Variants in EXTL1 observed in about 807,000 individuals in gnomAD.
EXTL1 encodes the protein exostosin like glycosyltransferase 1, also known as exostosin-like 1.
In EXTL1, 43 loss-of-function variants were observed where a neutral mutation model predicts 64.6. That is an observed-to-expected ratio of 0.67 (90% CI 0.52 to 0.86). The LOEUF is 0.86. Ranked by LOEUF, EXTL1 falls within the 40% of genes least tolerant of loss-of-function variation. EXTL1 has a pLI of 0.00. For missense variants in EXTL1, 766 were observed against 879.0 expected (o/e 0.87, Z 1.62); for synonymous variants, 352 against 360.5 (o/e 0.98, Z 0.27).
Position 26,034,277 on chromosome 1 carries a change from G to A in EXTL1, c.1679+421G>A, listed in dbSNP as rs1459224441. ...TCCAGAAGCTGCCTGAAGTGCTCCGGTCTTAGGGCAGAGACTGAATTCTGT... is the reference window on the plus strand; with the variant it reads ...TCCAGAAGCTGCCTGAAGTGCTCCGATCTTAGGGCAGAGACTGAATTCTGT... On this transcript the variant is annotated intron_variant, in intron 9 of 10. Coordinates refer to ENST00000374280, the MANE Select transcript of EXTL1 (RefSeq NM_004455.3). This position sits in a 1 kb window ranked among gnomAD's most constrained non-coding sequence, Gnocchi z 4.6. Among the ~76,000 whole-genome samples the A allele has an allele frequency of 6.6e-6, 1 of 152,220 alleles. No homozygotes were observed. Among genetic ancestry groups the A allele is most frequent in the Admixed American group, 6.5e-5 (1 of 15,284 alleles).
At position 26,035,659 on chromosome 1, in the gene EXTL1, C is replaced by G. The variant is rs2050332621; in HGVS notation, c.*312C>G. The G allele has an allele frequency of 6.6e-6, 2 of 303,420 alleles. No homozygotes were observed. Among genetic ancestry groups the G allele is most frequent in the Non-Finnish European group, 1.2e-5 (2 of 163,676 alleles). The allele number at this position is 303,420 out of a possible 1,614,324, so 18.8% of individuals were successfully genotyped here. Reference sequence around the variant, plus strand: ...TCCAGGGACTTGCCTGGCCCTCCTCCCCCTCCGCCCCCAATGGGTTCGGTC... The same window carrying G: ...TCCAGGGACTTGCCTGGCCCTCCTCGCCCTCCGCCCCCAATGGGTTCGGTC... On this transcript the variant is annotated 3_prime_UTR_variant, in exon 11 of 11. Transcript: ENST00000374280. This position sits in a 1 kb window ranked among gnomAD's most constrained non-coding sequence, Gnocchi z 5.3.
Position 26,035,345 on chromosome 1 carries a change from T to A in EXTL1, c.2029T>A (p.Ter677LysextTer158). The A allele has an allele frequency of 6.2e-7, 1 of 1,600,546 alleles. No individual in the cohort carries two copies. Among genetic ancestry groups the A allele is most frequent in the Non-Finnish European group, 8.5e-7 (1 of 1,171,018 alleles). The change falls in exon 11 of 11, where the codon TAG (stop) becomes AAG (lysine). Residue 677 changes from the stop codon to lysine, a stop_lost. Transcript: ENST00000374280. This position sits in a 1 kb window ranked among gnomAD's most constrained non-coding sequence, Gnocchi z 5.3. ...GAAGTACCGCAGCCTGGAGAAGCCC[T>A]AGGGGGGCGACCCGCGGAGACCCCA... Reference protein sequence around the residue: ...RKKYRSLEKP* With the variant: ...RKKYRSLEKPK
chr1:26,035,526 T>G lies in EXTL1; in HGVS notation c.*179T>G. 1 of 487,824 alleles carries G rather than the reference T, an allele frequency of 2.0e-6. No homozygotes were observed. The highest frequency in any genetic ancestry group is 3.6e-6 in the Non-Finnish European group (1 of 279,168). The allele number at this position is 487,824 out of a possible 1,614,324, so 30.2% of individuals were successfully genotyped here. A position where few individuals can be genotyped will look rare whatever the true frequency, so the allele number is the denominator to read the frequency against. On this transcript the variant is annotated 3_prime_UTR_variant, in exon 11 of 11. Coordinates refer to ENST00000374280, the MANE Select transcript of EXTL1 (RefSeq NM_004455.3). This position sits in a 1 kb window ranked among gnomAD's most constrained non-coding sequence, Gnocchi z 5.3. ...GGGGCGTGGCCTTACCTTCTCCTGC[T>G]CGCCCTCAGCCGCGGAGCCTCTGCG... is the stretch of plus-strand genomic sequence containing the variant.
rs58612979 is a variant in EXTL1, at chr1:26,025,284, C to T, written c.779+1859C>T. 4.6e-3 allele frequency among the ~76,000 whole-genome samples: 700 copies of T among 152,320 alleles called. 4 individuals are homozygous for T. The highest frequency in any genetic ancestry group is 0.015 in the African/African-American group (634 of 41,580). On this transcript the variant is annotated intron_variant, in intron 1 of 10. Coordinates refer to ENST00000374280, the MANE Select transcript of EXTL1 (RefSeq NM_004455.3). The surrounding 1 kb of genome is among the most constrained non-coding windows in gnomAD (Gnocchi z 5.3). ...TGCCACCTCCCCACATTCACTCAGCCGGGCGAGAGTGGGGAGAGGAGGAGG... is the reference window on the plus strand; with the variant it reads ...TGCCACCTCCCCACATTCACTCAGCTGGGCGAGAGTGGGGAGAGGAGGAGG...
chr1:26,026,154 G>C (rs1162885409), intron 1 of EXTL1, among the ~76,000 whole-genome samples: 1 of 150,392 alleles, frequency 6.6e-6, no homozygotes, highest in African/African-American at 2.5e-5. Context: ...TGAGAGGATC[G>C]CTTGAGCCCA....
At chr1:26,028,194 T>C (rs1295584861) in intron 1 of EXTL1, among the ~76,000 whole-genome samples, 1 of 152,050 alleles carries the variant, frequency 6.6e-6, no homozygotes, top group Non-Finnish European at 1.5e-5. Context: ...AGCTCTGGGG[T>C]GGTTCAGATA....
chr1:26,034,254 C>T lies in EXTL1; in HGVS notation c.1679+398C>T, dbSNP rs2050316098. ...GAGTTGGGGAACATCCCAGACCTTC[C>T]AGAAGCTGCCTGAAGTGCTCCGGTC... is the stretch of plus-strand genomic sequence containing the variant. On this transcript the variant is annotated intron_variant, in intron 9 of 10. Coordinates refer to ENST00000374280, the MANE Select transcript of EXTL1 (RefSeq NM_004455.3). This position sits in a 1 kb window ranked among gnomAD's most constrained non-coding sequence, Gnocchi z 4.6. Among the ~76,000 whole-genome samples, 1 of 152,198 alleles carries T rather than the reference C, an allele frequency of 6.6e-6. No individual in the cohort carries two copies. Among genetic ancestry groups the T allele is most frequent in the South Asian group, 2.1e-4 (1 of 4,836 alleles).
chr1:26,029,844 A>C (rs1156474932), intron 3 of EXTL1, 137 bp downstream of exon 3: 13 of 629,730 alleles, frequency 2.1e-5, no homozygotes, highest in Non-Finnish European at 3.8e-5. Context: ...CCTAGCACCA[A>C]GTCTCCCCTC....
rs2050317549 is a variant in EXTL1, at chr1:26,034,425, C to CTTAGGTAATTACATTACCTAAGA, written c.1680-410_1680-409insTAGGTAATTACATTACCTAAGAT. 6.6e-6 allele frequency among the ~76,000 whole-genome samples: 1 copy of CTTAGGTAATTACATTACCTAAGA among 152,216 alleles called. No individual in the cohort carries two copies. Among genetic ancestry groups the CTTAGGTAATTACATTACCTAAGA allele is most frequent in the Non-Finnish European group, 1.5e-5 (1 of 68,044 alleles). ...AGTAGAGTGAAGAATTACCTAATGTCTGCGAGATGAGGCTGGCCTGTCTGA... is the reference window on the plus strand; with the variant it reads ...AGTAGAGTGAAGAATTACCTAATGTCTTAGGTAATTACATTACCTAAGATGCGAGATGAGGCTGGCCTGTCTGA... On this transcript the variant is annotated intron_variant, in intron 9 of 10. Coordinates refer to ENST00000374280, the MANE Select transcript of EXTL1 (RefSeq NM_004455.3). This position sits in a 1 kb window ranked among gnomAD's most constrained non-coding sequence, Gnocchi z 4.6.
In EXTL1 at chr1:26,034,737, G is replaced by A. The variant is rs2050321325; in HGVS notation, c.1680-99G>A. 8 of 1,247,580 alleles carry A rather than the reference G, an allele frequency of 6.4e-6. No individual in the cohort carries two copies. The highest frequency in any genetic ancestry group is 2.0e-5 in the Admixed American group (1 of 50,418). 77.3% of individuals were successfully genotyped at this position (1,247,580 alleles called of 1,614,324 possible). ...AGGCAGCCAGGGCTCAGAGGCTTGG[G>A]GATGGGGGTCAAAGGGAGAGGTGAG... On this transcript the variant is annotated intron_variant, in intron 9 of 10. Transcript: ENST00000374280. The surrounding 1 kb of genome is among the most constrained non-coding windows in gnomAD (Gnocchi z 4.6).
In EXTL1 at chr1:26,032,477, C is replaced by T. The variant is rs764818951; in HGVS notation, c.1423C>T (p.His475Tyr). 30 of 1,551,270 alleles carry T rather than the reference C, an allele frequency of 1.9e-5. No individual in the cohort carries two copies. The South Asian group carries it at 2.7e-4, about 14-fold the overall frequency. The change falls in exon 7 of 11, where the codon CAC becomes TAC. Residue 475 changes from histidine (H) to tyrosine (Y), a missense_variant. Around this residue, in one of 3 missense-constraint regions of EXTL1, gnomAD observed 571 missense variants for 647.6 expected, o/e 0.88. Coordinates refer to ENST00000374280, the MANE Select transcript of EXTL1 (RefSeq NM_004455.3). Reference protein sequence around the residue: ...TAVPLTVIDGHRKVSDRFYPY... With the variant: ...TAVPLTVIDGYRKVSDRFYPY... ...TGTGCCCTTGACAGTCATTGATGGG[C>T]ACAGGAAGGTAAGGGATGAGGAGAG... is the stretch of plus-strand genomic sequence containing the variant.
intron 1 of EXTL1, 48 bp from the exon 2 acceptor site, chr1:26,029,145 C>A: frequency 1.4e-6 from 2 of 1,434,500 alleles, no homozygotes; most frequent in South Asian, 1.2e-5. Flanking sequence ...GGGCGAAGGT[C>A]ACTGTCCAGG....
rs377394561 is a variant in EXTL1 at position 26,022,642 on chromosome 1, G to T, written c.-5G>T. 6.3e-7 allele frequency: 1 copy of T among 1,575,934 alleles called. No individual in the cohort carries two copies. Among genetic ancestry groups the T allele is most frequent in the South Asian group, 1.2e-5 (1 of 84,830 alleles). ...GCTTCCCTAGCCCTGACTGTGGGTG[G>T]CCACATGCAGTCGTGGAGGAGAAGA... On this transcript the variant is annotated 5_prime_UTR_variant, in exon 1 of 11. Coordinates refer to ENST00000374280, the MANE Select transcript of EXTL1 (RefSeq NM_004455.3).
chr1:26,033,612 C>A lies in EXTL1; in HGVS notation c.1519-84C>A. The A allele has an allele frequency of 6.9e-7, 1 of 1,456,342 alleles. No individual in the cohort carries two copies. Among genetic ancestry groups the A allele is most frequent in the Non-Finnish European group, 9.5e-7 (1 of 1,056,194 alleles). The allele number at this position is 1,456,342 out of a possible 1,614,324, so 90.2% of individuals were successfully genotyped here. The stretch of plus-strand genomic sequence containing the variant: ...CCTGAGTCCTGCCCGGGCCCCTCAG[C>A]CAGGCTGCCCCTGCCTCCATTTCCC... On this transcript the variant is annotated intron_variant, in intron 8 of 10. Coordinates refer to ENST00000374280, the MANE Select transcript of EXTL1 (RefSeq NM_004455.3). This position sits in a 1 kb window ranked among gnomAD's most constrained non-coding sequence, Gnocchi z 5.1.
intron 2 of EXTL1, 80 bp downstream of exon 2, chr1:26,029,366 A>G (rs2050255633): frequency 1.7e-6 from 2 of 1,163,710 alleles, no homozygotes; most frequent in Admixed American, 1.7e-5. Flanking sequence ...GTCCAGGCCA[A>G]TGAGAAGGGG....
At chr1:26,029,125 G>A (rs2050250506) in intron 1 of EXTL1, 68 bp from the exon 2 acceptor site, 1 of 1,192,956 alleles carries the variant, frequency 8.4e-7, no homozygotes, top group Admixed American at 1.8e-5. Flanking sequence ...TCCCATTGAG[G>A]GAGCCCAGGG....
At chr1:26,028,719 A>G (rs1175630002) in intron 1 of EXTL1, among the ~76,000 whole-genome samples, 1 of 152,094 alleles carries the variant, frequency 6.6e-6, no homozygotes, top group Non-Finnish European at 1.5e-5. Context: ...CCACCTCATG[A>G]CAGAGGAGCC....
At chr1:26,032,692 A>C (rs760161894) in intron 7 of EXTL1, among the ~76,000 whole-genome samples, 1 of 152,210 alleles carries the variant, frequency 6.6e-6, no homozygotes, top group Non-Finnish European at 1.5e-5. Context: ...TGGGGCTTAC[A>C]TGATGGGGAA....
At chr1:26,032,300 C>A in intron 6 of EXTL1, 96 bp from the exon 7 acceptor site, 1 of 799,490 alleles carries the variant, frequency 1.3e-6, no homozygotes, top group Non-Finnish European at 2.1e-6. Context: ...GCTGACTTCT[C>A]AAACTTCTTC....
Sources: gnomAD v4.1 joint callset for allele counts (sites outside exome capture counted in the v4.1 genomes callset) on GRCh38, gnomAD v4.1.1 for gene constraint, gnomAD v4.1.1 regional missense constraint, Gnocchi (gnomAD v3.1) non-coding constraint, MANE v1.5 for transcripts, NCBI Gene and HGNC (gene_info 2026-07-23, HGNC 2026-07-21) for gene names.